Variants in NAALADL2 observed in about 807,000 individuals in gnomAD.
NAALADL2 encodes inactive N-acetylated-alpha-linked acidic dipeptidase-like protein 2.
Under a neutral mutation model 87.2 loss-of-function variants are expected in NAALADL2, and 76 were observed. The observed-to-expected ratio is 0.87, with a 90% confidence interval of 0.72 to 1.05. The LOEUF is 1.05. NAALADL2 is among the 50% of genes least tolerant of loss of function. NAALADL2 has a pLI of 0.00. For missense variants in NAALADL2, 1,089 were observed against 945.8 expected (o/e 1.15, Z -1.99); for synonymous variants, 354 against 331.0 (o/e 1.07, Z -0.75).
intron 1 of NAALADL2, among the ~76,000 whole-genome samples, chr3:175,076,253 A>T (rs1716570675): frequency 6.6e-6 from 1 of 152,008 alleles, no homozygotes; most frequent in African/African-American, 2.4e-5. Flanking sequence ...GAAAAATGTC[A>T]TAAGAAAAGA....
chr3:175,286,065 C>A (rs1441225243), intron 4 of NAALADL2, among the ~76,000 whole-genome samples: 1 of 152,026 alleles, frequency 6.6e-6, no homozygotes, highest in Non-Finnish European at 1.5e-5. Context: ...GCTGAGGTTA[C>A]AGGAAAACAA....
intron 2 of NAALADL2, among the ~76,000 whole-genome samples, chr3:175,118,289 A>G (rs1725600563): frequency 6.6e-6 from 1 of 151,868 alleles, no homozygotes; most frequent in Non-Finnish European, 1.5e-5. Context: ...CATTCTGAAT[A>G]GCTCAAAATG....
intron 2 of NAALADL2, among the ~76,000 whole-genome samples, chr3:174,680,564 A>G (rs1242557217): frequency 6.6e-6 from 1 of 152,218 alleles, no homozygotes; most frequent in Non-Finnish European, 1.5e-5. Flanking sequence ...CCAAAGAATT[A>G]TACTTTTACA....
chr3:174,720,694 T>G (rs535287999), intron 2 of NAALADL2, among the ~76,000 whole-genome samples: 8 of 152,316 alleles, frequency 5.3e-5, no homozygotes, highest in African/African-American at 1.9e-4. Context: ...GGAATGCAGA[T>G]GGGACAGCTG....
intron 2 of NAALADL2, among the ~76,000 whole-genome samples, chr3:175,205,183 C>G (rs1422503785): frequency 6.6e-6 from 1 of 152,154 alleles, no homozygotes; most frequent in Non-Finnish European, 1.5e-5. Context: ...CTAGAGGCAT[C>G]ACACTACCTG....
chr3:175,009,546 A>G (rs1296797830), intron 1 of NAALADL2, among the ~76,000 whole-genome samples: 1 of 152,194 alleles, frequency 6.6e-6, no homozygotes, highest in Non-Finnish European at 1.5e-5. Flanking sequence ...TTTCTAAAGA[A>G]AAGAATTTAC....
At chr3:174,741,695 A>G (rs1733783505) in intron 3 of NAALADL2, among the ~76,000 whole-genome samples, 1 of 151,694 alleles carries the variant, frequency 6.6e-6, no homozygotes, top group East Asian at 1.9e-4. Context: ...TTAGCTTTAT[A>G]TAGATAAATT....
intron 2 of NAALADL2, among the ~76,000 whole-genome samples, chr3:175,160,613 A>G (rs568888659): frequency 6.6e-6 from 1 of 151,926 alleles, no homozygotes; most frequent in South Asian, 2.1e-4. Flanking sequence ...CGGCCTCCCA[A>G]AGTGCTGGGA....
intron 1 of NAALADL2, among the ~76,000 whole-genome samples, chr3:175,010,133 A>G (rs2108800195): frequency 6.8e-6 from 1 of 147,992 alleles, no homozygotes; most frequent in South Asian, 2.1e-4. Flanking sequence ...TTATAATCTA[A>G]TATTATATAA....
At chr3:174,971,650 A>AGT (rs1743659113) in intron 1 of NAALADL2, among the ~76,000 whole-genome samples, 1 of 147,966 alleles carries the variant, frequency 6.8e-6, no homozygotes. Flanking sequence ...CAACTCAAAC[A>AGT]GTCAGTATGC....
chr3:175,238,450 T>C (rs951661179), intron 3 of NAALADL2, among the ~76,000 whole-genome samples: 1 of 152,130 alleles, frequency 6.6e-6, no homozygotes, highest in Non-Finnish European at 1.5e-5. Context: ...TTGAAGAACA[T>C]AATTTGAGAA....
chr3:175,024,392 C>A (rs1175662968), intron 1 of NAALADL2, among the ~76,000 whole-genome samples: 2 of 151,960 alleles, frequency 1.3e-5, no homozygotes, highest in Non-Finnish European at 2.9e-5. Context: ...GCAGCAGCTG[C>A]GAGTAGACTA....
chr3:175,274,689 A>G (rs557316430), intron 4 of NAALADL2, among the ~76,000 whole-genome samples: 1 of 152,244 alleles, frequency 6.6e-6, no homozygotes, highest in East Asian at 1.9e-4. Flanking sequence ...TTCACCTACA[A>G]GTTCATTTAT....
rs376949373 is a variant in NAALADL2, at chr3:175,307,246, A to G, written c.940-16929A>G. Among the ~76,000 whole-genome samples the G allele has an allele frequency of 1.2e-3, 185 of 152,232 alleles. 1 individual carries two copies. The highest frequency in any genetic ancestry group is 4.2e-3 in the African/African-American group (174 of 41,558). ...AAAAATCCCCTGGAGTAGTTGTGAC[A>G]ATTAAATAAGTCAAGGACTTTGGAA... On this transcript the variant is annotated intron_variant, in intron 4 of 13. Coordinates refer to ENST00000454872, the MANE Select transcript of NAALADL2 (RefSeq NM_207015.3).
Position 174,637,077 on chromosome 3 carries a change from A to G in NAALADL2, c.-115+86440A>G, listed in dbSNP as rs1013896956. Among the ~76,000 whole-genome samples the G allele has an allele frequency of 7.2e-5, 11 of 152,294 alleles. No individual in the cohort carries two copies. In the East Asian group the frequency reaches 7.7e-4, roughly 11 times the overall value. On this transcript the variant is annotated intron_variant, in intron 2 of 3. Coordinates refer to the NAALADL2 transcript ENST00000434257. ...AATGAAATAAGCAAGGCACAGAAAC[A>G]TAAGTATCACATGTTCTCATTAATA...
At chr3:175,277,691 C>T (rs752728752) in intron 4 of NAALADL2, among the ~76,000 whole-genome samples, 4 of 152,012 alleles carry the variant, frequency 2.6e-5, no homozygotes, top group Non-Finnish European at 5.9e-5. Context: ...TCATAAAGAC[C>T]AAAATGCTTA....
At chr3:174,999,346 C>G (rs1579945547) in intron 1 of NAALADL2, among the ~76,000 whole-genome samples, 1 of 152,054 alleles carries the variant, frequency 6.6e-6, no homozygotes, top group East Asian at 1.9e-4. Context: ...GAATATTTTT[C>G]AATTTCTTCT....
At chr3:175,517,470 A>G (rs1732010986) in intron 9 of NAALADL2, among the ~76,000 whole-genome samples, 1 of 152,208 alleles carries the variant, frequency 6.6e-6, no homozygotes, top group African/African-American at 2.4e-5. Context: ...TTAAAACTAA[A>G]TTTTTGACAC....
At chr3:175,580,704 G>C (rs1257742433) in intron 10 of NAALADL2, among the ~76,000 whole-genome samples, 1 of 152,102 alleles carries the variant, frequency 6.6e-6, no homozygotes, top group Non-Finnish European at 1.5e-5. Flanking sequence ...AAGATGAAAA[G>C]GGGTTCATTG....
Sources: gnomAD v4.1 joint callset for allele counts (sites outside exome capture counted in the v4.1 genomes callset) on GRCh38, gnomAD v4.1.1 for gene constraint, MANE v1.5 for transcripts, NCBI Gene and HGNC (gene_info 2026-07-23, HGNC 2026-07-21) for gene names.